ARSB: variants seen among roughly 807,000 people sequenced by gnomAD.
ARSB encodes the protein arylsulfatase B, also known as N-acetylgalactosamine-4-sulfatase.
ARSB carries 41 observed loss-of-function variants against 50.9 expected under a neutral mutation model. The ratio of observed to expected loss-of-function variants is 0.81; its 90% CI spans 0.63 to 1.04. The LOEUF (loss-of-function observed/expected upper bound fraction) is 1.04. Ranked by LOEUF, ARSB falls within the 50% of genes least tolerant of loss-of-function variation. The pLI is 0.00. For synonymous variants in ARSB, 269 were observed against 284.8 expected, an observed-to-expected ratio of 0.94 and a Z score of 0.56; for missense variants, 672 against 693.3, an observed-to-expected ratio of 0.97 and a Z score of 0.35.
intron 1 of ARSB, among the ~76,000 whole-genome samples, chr5:78,976,516 G>T (rs62377896): frequency 6.6e-6 from 1 of 151,964 alleles, no homozygotes; most frequent in African/African-American, 2.4e-5. Context: ...GAATTTCACC[G>T]AGGCTGCTCT....
intron 6 of ARSB, among the ~76,000 whole-genome samples, chr5:78,788,900 G>A (rs1390381725): frequency 1.7e-4 from 26 of 152,230 alleles, no homozygotes; most frequent in African/African-American, 5.8e-4. Context: ...AAAGTGCTGA[G>A]GTATTATAAG....
At chr5:78,978,237 G>T (rs556740976) in intron 1 of ARSB, among the ~76,000 whole-genome samples, 1 of 151,956 alleles carries the variant, frequency 6.6e-6, no homozygotes, top group Non-Finnish European at 1.5e-5. Context: ...TACTCAGGAG[G>T]CTGAGGCAGG....
intron 6 of ARSB, among the ~76,000 whole-genome samples, chr5:78,800,035 C>T (rs571005876): frequency 2.0e-5 from 3 of 152,252 alleles, no homozygotes; most frequent in South Asian, 2.1e-4. Context: ...AGCAAAGTAG[C>T]GGCCAGTCGC....
At chr5:78,930,186 G>A (rs1272635846) in intron 4 of ARSB, among the ~76,000 whole-genome samples, 1 of 152,068 alleles carries the variant, frequency 6.6e-6, no homozygotes, top group African/African-American at 2.4e-5. Context: ...GGCAACCTAC[G>A]GCCAGCACTG....
At chr5:78,879,311 A>G (rs1747634634) in intron 5 of ARSB, among the ~76,000 whole-genome samples, 1 of 152,248 alleles carries the variant, frequency 6.6e-6, no homozygotes, top group African/African-American at 2.4e-5. Context: ...AAAACTACAC[A>G]GAATTGGAAA....
chr5:78,897,537 C>T (rs1748620484), intron 4 of ARSB, among the ~76,000 whole-genome samples: 1 of 152,090 alleles, frequency 6.6e-6, no homozygotes, highest in African/African-American at 2.4e-5. Flanking sequence ...GAAAGAGGTT[C>T]CACTTTTTAG....
intron 5 of ARSB, among the ~76,000 whole-genome samples, chr5:78,871,317 T>C (rs531064188): frequency 5.3e-5 from 8 of 152,214 alleles, no homozygotes; most frequent in South Asian, 4.2e-4. Flanking sequence ...AAAAACTACT[T>C]TCAAGTTCAT....
chr5:78,962,584 G>C (rs982014685), intron 3 of ARSB, among the ~76,000 whole-genome samples: 1 of 141,542 alleles, frequency 7.1e-6, no homozygotes, highest in Non-Finnish European at 1.5e-5. Flanking sequence ...CTGGAGTGTA[G>C]TGGTGCGATC....
chr5:78,978,777 A>C (rs1752776939), intron 1 of ARSB, among the ~76,000 whole-genome samples: 1 of 152,216 alleles, frequency 6.6e-6, no homozygotes, highest in Non-Finnish European at 1.5e-5. Flanking sequence ...TAGCACTGAA[A>C]TATTTGGACA....
rs1751310712 is a variant in ARSB at position 78,947,771 on chromosome 5, C to G, written c.898+7524G>C. Reference sequence around the variant, plus strand: ...CAAAACTACCACATGATCCAGTAATCCCACTGCTAAGTATATACCCAAAAG... The same window carrying G: ...CAAAACTACCACATGATCCAGTAATGCCACTGCTAAGTATATACCCAAAAG... On this transcript the variant is annotated intron_variant, in intron 4 of 7. Coordinates refer to ENST00000264914, the MANE Select transcript of ARSB (RefSeq NM_000046.5). Among the ~76,000 whole-genome samples, 3 of 152,156 alleles carry G rather than the reference C, an allele frequency of 2.0e-5. 1 individual carries two copies. In the South Asian group the frequency reaches 6.2e-4, roughly 32 times the overall value.
intron 4 of ARSB, among the ~76,000 whole-genome samples, chr5:78,937,703 G>C (rs989442900): frequency 1.7e-4 from 26 of 151,642 alleles, no homozygotes; most frequent in Admixed American, 1.7e-3. Flanking sequence ...GTTTGACACA[G>C]AGAATACAAA....
intron 4 of ARSB, among the ~76,000 whole-genome samples, chr5:78,917,255 T>C (rs1487105194): frequency 5.3e-5 from 8 of 152,240 alleles, no homozygotes; most frequent in African/African-American, 1.9e-4. Context: ...CTATATTCTA[T>C]ATTCCTATAG....
intron 1 of ARSB, among the ~76,000 whole-genome samples, chr5:78,979,885 C>T (rs336521): frequency 0.98 from 149,389 of 152,332 alleles, 73,298 homozygotes; most frequent in Non-Finnish European, 1. Context: ...AGCCAAAAAG[C>T]GCAAACAACC....
intron 5 of ARSB, among the ~76,000 whole-genome samples, chr5:78,850,396 C>T (rs1377742351): frequency 1.3e-5 from 2 of 151,992 alleles, no homozygotes; most frequent in African/African-American, 4.8e-5. Context: ...GCCTTGCATC[C>T]CAGGGATGAA....
At chr5:78,787,848 G>C (rs1393369812) in intron 6 of ARSB, among the ~76,000 whole-genome samples, 2 of 152,152 alleles carry the variant, frequency 1.3e-5, no homozygotes, top group African/African-American at 4.8e-5. Context: ...CTGACAGACT[G>C]AGGCACACAC....
chr5:78,960,965 G>C (rs1260681821), intron 3 of ARSB, among the ~76,000 whole-genome samples: 1 of 152,108 alleles, frequency 6.6e-6, no homozygotes, highest in African/African-American at 2.4e-5. Flanking sequence ...AGAGAAAGAA[G>C]GTTCCTTCTT....
intron 4 of ARSB, among the ~76,000 whole-genome samples, chr5:78,937,332 ATG>A (rs1750662562): frequency 7.7e-6 from 1 of 129,778 alleles, no homozygotes; most frequent in Non-Finnish European, 1.6e-5. Context: ...AGATATATAT[ATG>A]TAAGATATAT....
chr5:78,829,821 T>C (rs1418219154), intron 6 of ARSB, among the ~76,000 whole-genome samples: 4 of 152,214 alleles, frequency 2.6e-5, no homozygotes, highest in African/African-American at 9.7e-5. Context: ...TTCCCTAAAA[T>C]TTTATGAGGT....
intron 4 of ARSB, among the ~76,000 whole-genome samples, chr5:78,898,761 C>A (rs1748680308): frequency 6.6e-6 from 1 of 152,124 alleles, no homozygotes; most frequent in Non-Finnish European, 1.5e-5. Flanking sequence ...CATTTCCTTG[C>A]CTTTCTAGCT....
Sources: allele counts gnomAD v4.1 joint callset (sites outside exome capture counted in the v4.1 genomes callset), GRCh38; gene constraint gnomAD v4.1.1; transcripts MANE v1.5; gene names NCBI Gene and HGNC (gene_info 2026-07-23, HGNC 2026-07-21).